The following UBASH3B variants were observed in gnomAD, a reference collection of about 807,000 sequenced individuals.
UBASH3B encodes the protein ubiquitin associated and SH3 domain containing B.
UBASH3B carries 37 observed loss-of-function variants against 83.4 expected under a neutral mutation model. The observed-to-expected ratio is 0.44, with a 90% confidence interval of 0.34 to 0.58. The LOEUF (loss-of-function observed/expected upper bound fraction) is 0.58. Ranked by LOEUF, UBASH3B falls within the 20% of genes least tolerant of loss-of-function variation. UBASH3B has a pLI of 0.01. For missense variants in UBASH3B, 657 were observed against 827.2 expected, an observed-to-expected ratio of 0.79 and a Z score of 2.52; for synonymous variants, 304 against 318.3, an observed-to-expected ratio of 0.96 and a Z score of 0.48.
intron 1 of UBASH3B, chr11:122,774,295 T>A (rs907991240): frequency 1.0e-6 from 1 of 985,334 alleles, no homozygotes; most frequent in Non-Finnish European, 1.2e-6. Context: ...AGTGCTGTTC[T>A]CATTAGCTGT....
chr11:122,800,383 C>CAAAAAAAAAA (rs540359065), intron 10 of UBASH3B, among the ~76,000 whole-genome samples: 9 of 76,618 alleles, frequency 1.2e-4, no homozygotes, highest in East Asian at 3.2e-4. Flanking sequence ...ACTAAAAATA[C>CAAAAAAAAAA]AAAAAAAAAA....
chr11:122,807,142 C>T (rs1469448106), intron 12 of UBASH3B, among the ~76,000 whole-genome samples: 1 of 152,164 alleles, frequency 6.6e-6, no homozygotes, highest in Non-Finnish European at 1.5e-5. Context: ...TTCCAGTTTT[C>T]ATTGATTAGC....
intron 1 of UBASH3B, among the ~76,000 whole-genome samples, chr11:122,736,838 C>A (rs1362778311): frequency 6.6e-6 from 1 of 151,932 alleles, no homozygotes; most frequent in African/African-American, 2.4e-5. Flanking sequence ...TCGCTTGAGC[C>A]CAGGAGTTTC....
intron 1 of UBASH3B, among the ~76,000 whole-genome samples, chr11:122,742,300 G>A (rs946395285): frequency 6.6e-6 from 1 of 152,212 alleles, no homozygotes; most frequent in Non-Finnish European, 1.5e-5. Flanking sequence ...AGAAGTGCAA[G>A]AAACCATCCT....
chr11:122,718,964 G>C (rs10219150), intron 1 of UBASH3B, among the ~76,000 whole-genome samples: 6,886 of 152,280 alleles, frequency 0.045, 532 homozygotes, highest in African/African-American at 0.16. Context: ...CAGAGCTCAG[G>C]AGGCTGGGGC....
chr11:122,742,397 C>T (rs1317511593), intron 1 of UBASH3B, among the ~76,000 whole-genome samples: 1 of 152,204 alleles, frequency 6.6e-6, no homozygotes, highest in Non-Finnish European at 1.5e-5. Context: ...ATCCTTTTTC[C>T]TATGACCTCT....
chr11:122,753,766 A>G (rs1861239696), intron 1 of UBASH3B, among the ~76,000 whole-genome samples: 1 of 152,050 alleles, frequency 6.6e-6, no homozygotes, highest in Admixed American at 6.5e-5. Flanking sequence ...AAGTGCTGGG[A>G]TTACAGGCGT....
intron 1 of UBASH3B, among the ~76,000 whole-genome samples, chr11:122,764,443 C>G (rs1316909940): frequency 1.3e-5 from 2 of 152,202 alleles, no homozygotes; most frequent in Non-Finnish European, 2.9e-5. Flanking sequence ...AGACACATAC[C>G]CATGTTCCAG....
intron 1 of UBASH3B, among the ~76,000 whole-genome samples, chr11:122,713,706 A>T (rs1864229848): frequency 6.6e-6 from 1 of 151,094 alleles, no homozygotes; most frequent in African/African-American, 2.4e-5. Context: ...GCCACATGTC[A>T]GTCATCTCCA....
Position 122,655,915 on chromosome 11 carries a change from C to G in UBASH3B, c.-135C>G, listed in dbSNP as rs1863351617. The G allele has an allele frequency of 2.1e-6, 2 of 965,456 alleles. No individual in the cohort carries two copies. The highest frequency in any genetic ancestry group is 1.7e-5 in the African/African-American group (1 of 57,556). 59.8% of individuals were successfully genotyped at this position (965,456 alleles called of 1,614,324 possible). A position where few individuals can be genotyped will look rare whatever the true frequency, so the allele number is the denominator to read the frequency against. On this transcript the variant is annotated 5_prime_UTR_variant, in exon 1 of 14. Transcript: ENST00000284273. Reference sequence around the variant, plus strand: ...GTCCCGACACTGGGGAAGCTCGGAGCGCCGCCTCCGCTGCCGCCGCCTCCT... The same window carrying G: ...GTCCCGACACTGGGGAAGCTCGGAGGGCCGCCTCCGCTGCCGCCGCCTCCT...
intron 1 of UBASH3B, among the ~76,000 whole-genome samples, chr11:122,686,190 T>C (rs1008862): frequency 0.69 from 105,453 of 152,150 alleles, 39,662 homozygotes; most frequent in Admixed American, 0.83. Context: ...ACATGATTAT[T>C]TGGGACTGCT....
At chr11:122,728,853 T>C (rs1023845705) in intron 1 of UBASH3B, among the ~76,000 whole-genome samples, 1 of 152,006 alleles carries the variant, frequency 6.6e-6, no homozygotes, top group African/African-American at 2.4e-5. Flanking sequence ...GAGCTTAGAG[T>C]CATAAAATGT....
intron 3 of UBASH3B, among the ~76,000 whole-genome samples, chr11:122,778,256 C>T (rs1426059298): frequency 6.6e-6 from 1 of 152,206 alleles, no homozygotes; most frequent in East Asian, 1.9e-4. Context: ...CTAACACCTT[C>T]TCTTTTACCA....
intron 1 of UBASH3B, among the ~76,000 whole-genome samples, chr11:122,743,070 C>T (rs1021326016): frequency 6.6e-6 from 1 of 152,158 alleles, no homozygotes; most frequent in South Asian, 2.1e-4. Context: ...CTCCTTTCAG[C>T]GTCCTTGTTG....
intron 1 of UBASH3B, among the ~76,000 whole-genome samples, chr11:122,721,244 C>CAAAAAAAAAAAAAAAA (rs34298191): frequency 2.7e-5 from 2 of 73,146 alleles, no homozygotes; most frequent in Non-Finnish European, 5.0e-5. Context: ...GACTGTGTCT[C>CAAAAAAAAAAAAAAAA]AAAAAAAAAA....
intron 4 of UBASH3B, among the ~76,000 whole-genome samples, chr11:122,781,686 C>T (rs1465652118): frequency 6.6e-6 from 1 of 152,256 alleles, no homozygotes; most frequent in African/African-American, 2.4e-5. Context: ...GCCACCATGT[C>T]TTTGCCCTGG....
chr11:122,694,099 G>C (rs1048185990), intron 1 of UBASH3B, among the ~76,000 whole-genome samples: 2 of 152,138 alleles, frequency 1.3e-5, no homozygotes, highest in African/African-American at 4.8e-5. Flanking sequence ...ATTAAGAAAT[G>C]ATGAATCACA....
At chr11:122,659,416 G>T (rs930083131) in intron 1 of UBASH3B, among the ~76,000 whole-genome samples, 1 of 152,092 alleles carries the variant, frequency 6.6e-6, no homozygotes. Context: ...GGTCCTGGAG[G>T]TCACCTGATC....
At chr11:122,706,106 CTTTTTTTTTTTTTCTTTT>C (rs1480921904) in intron 1 of UBASH3B, among the ~76,000 whole-genome samples, 1 of 127,036 alleles carries the variant, frequency 7.9e-6, no homozygotes, top group African/African-American at 3.1e-5. Context: ...TCTTTTCTTT[CTTTTTTTTTTTTTCTTTT>C]TTTTTTTTTG....
Sources: allele counts gnomAD v4.1 joint callset (sites outside exome capture counted in the v4.1 genomes callset), GRCh38; gene constraint gnomAD v4.1.1; transcripts MANE v1.5; gene names NCBI Gene and HGNC (gene_info 2026-07-23, HGNC 2026-07-21).